Variants in CNTN6 observed in about 807,000 individuals in gnomAD.
The protein encoded by CNTN6 is contactin-6.
In CNTN6, 137 loss-of-function variants were observed where a neutral mutation model predicts 122.8. That is an observed-to-expected ratio of 1.12 (90% CI 0.97 to 1.29). CNTN6 has a LOEUF of 1.29. Among genes scored for constraint, CNTN6 ranks in the 50% most tolerant of loss-of-function variants. The pLI is 0.00. For missense variants in CNTN6, 1,634 were observed against 1,223.4 expected, an observed-to-expected ratio of 1.34 and a Z score of -5.01; for synonymous variants, 570 against 426.0, an observed-to-expected ratio of 1.34 and a Z score of -4.16.
chr3:1,402,359 G>A lies in CNTN6; in HGVS notation c.2859G>A (p.Leu953=), dbSNP rs781657249. ...ACAGACAGAGTAAAACTCATATTTT[G>A]GAAACAAACAATACATCAGCTGAGC... ...RQNRQSKTHI[L]ETNNTSAELL... The change falls in exon 22 of 23, where the codon TTG becomes TTA. Residue 953 remains leucine, a synonymous_variant. Coordinates refer to ENST00000446702, the MANE Select transcript of CNTN6 (RefSeq NM_001289080.2). 1.6e-5 allele frequency: 25 copies of A among 1,611,200 alleles called. No homozygotes were observed. Among genetic ancestry groups the A allele is most frequent in the Non-Finnish European group, 2.1e-5 (25 of 1,178,628 alleles).
intron 12 of CNTN6, among the ~76,000 whole-genome samples, chr3:1,354,359 C>T (rs1217391093): frequency 7.8e-6 from 1 of 128,460 alleles, no homozygotes; most frequent in Non-Finnish European, 1.7e-5. Context: ...ATCAAGATAG[C>T]TCAGTTAACA....
intron 4 of CNTN6, among the ~76,000 whole-genome samples, chr3:1,247,543 A>G (rs1373016322): frequency 6.6e-6 from 1 of 152,226 alleles, no homozygotes; most frequent in African/African-American, 2.4e-5. Context: ...ATGCCATGAG[A>G]TCCAATCCAT....
rs563486320 is a variant in CNTN6 at position 1,387,391 on chromosome 3, A to AACTT, written c.2704+1595_2704+1598dup. Among the ~76,000 whole-genome samples the AACTT allele has an allele frequency of 8.5e-5, 13 of 152,340 alleles. No individual in the cohort carries two copies. In the East Asian group the frequency reaches 2.3e-3, roughly 27 times the overall value. ...TAAATCAATGAAGTTGTTGCCAGAT[A>AACTT]ACTTGGATGTATGATTTGCTTCTTT... On this transcript the variant is annotated intron_variant, in intron 20 of 22. Transcript: ENST00000446702.
intron 4 of CNTN6, among the ~76,000 whole-genome samples, chr3:1,258,260 A>T (rs987777588): frequency 1.3e-5 from 2 of 152,124 alleles, no homozygotes; most frequent in African/African-American, 2.4e-5. Context: ...CTCTACTTTC[A>T]TTGTAGCAGT....
rs756488744 is a variant in CNTN6 at position 1,385,617 on chromosome 3, T to TACTGGA, written c.2525_2530dup (p.Trp843_Thr844insAsnTrp). ...TTTGGTTTTTAATTATCAGGTCTTA[T>TACTGGA]ACTGGACAGATGACTCCAAAGAATC... On this transcript the variant is annotated inframe_insertion, in exon 20 of 23. Transcript: ENST00000446702. The TACTGGA allele has an allele frequency of 1.2e-6, 2 of 1,612,752 alleles. No homozygotes were observed. The highest frequency in any genetic ancestry group is 1.7e-6 in the Non-Finnish European group (2 of 1,179,424).
chr3:1,399,685 C>T (rs1050008422), intron 20 of CNTN6, among the ~76,000 whole-genome samples: 5 of 152,014 alleles, frequency 3.3e-5, no homozygotes, highest in Non-Finnish European at 7.4e-5. Flanking sequence ...GAGAAGATCA[C>T]CACAGGGCCC....
chr3:1,358,716 A>G (rs1355574260), intron 12 of CNTN6, among the ~76,000 whole-genome samples: 6 of 152,010 alleles, frequency 3.9e-5, no homozygotes, highest in Non-Finnish European at 8.8e-5. Context: ...CGTTCAGAAG[A>G]AAATATCATT....
At chr3:1,102,920 A>G (rs908698487) in intron 1 of CNTN6, among the ~76,000 whole-genome samples, 4 of 150,764 alleles carry the variant, frequency 2.7e-5, no homozygotes, top group South Asian at 2.1e-4. Flanking sequence ...ATCCTGGCTA[A>G]CACGGTGAAA....
intron 4 of CNTN6, among the ~76,000 whole-genome samples, chr3:1,246,983 A>G (rs13316420): frequency 0.075 from 11,468 of 152,116 alleles, 509 homozygotes; most frequent in African/African-American, 0.12. Flanking sequence ...CACTCTCTTA[A>G]TCATGTCTTT....
At chr3:1,277,346 CTTTTTTTTTTTTTTT>C (rs10599744) in intron 4 of CNTN6, among the ~76,000 whole-genome samples, 1 of 80,192 alleles carries the variant, frequency 1.2e-5, no homozygotes, top group African/African-American at 4.5e-5. Flanking sequence ...AGTAGGTTTT[CTTTTTTTTTTTTTTT>C]TTTTTTTTTT....
chr3:1,093,364 G>T (rs1410587324), intron 1 of CNTN6, among the ~76,000 whole-genome samples: 1 of 152,112 alleles, frequency 6.6e-6, no homozygotes, highest in African/African-American at 2.4e-5. Context: ...TCAAACCAGG[G>T]AAAGAAAGAC....
At chr3:1,330,081 T>C (rs1702085189) in intron 11 of CNTN6, 146 bp downstream of exon 11, 1 of 519,136 alleles carries the variant, frequency 1.9e-6, no homozygotes, top group Non-Finnish European at 3.2e-6. Flanking sequence ...CTTCTCATCA[T>C]AGTAAAATTG....
At chr3:1,145,158 C>A (rs1038271510) in intron 1 of CNTN6, among the ~76,000 whole-genome samples, 1 of 152,040 alleles carries the variant, frequency 6.6e-6, no homozygotes, top group Non-Finnish European at 1.5e-5. Context: ...TGCAAACTTT[C>A]GTCAAGATAA....
chr3:1,172,644 GT>G (rs2093379163), intron 2 of CNTN6, among the ~76,000 whole-genome samples: 1 of 151,738 alleles, frequency 6.6e-6, no homozygotes, highest in African/African-American at 2.4e-5. Flanking sequence ...GTGTGTGTGT[GT>G]GTGTGTGTGT....
chr3:1,102,238 C>G (rs1037480518), intron 1 of CNTN6, among the ~76,000 whole-genome samples: 1 of 152,100 alleles, frequency 6.6e-6, no homozygotes, highest in East Asian at 1.9e-4. Context: ...GTAAGGAGCT[C>G]TATATGGAGA....
intron 4 of CNTN6, among the ~76,000 whole-genome samples, chr3:1,236,224 A>G (rs1277697184): frequency 6.6e-6 from 1 of 151,468 alleles, no homozygotes; most frequent in Non-Finnish European, 1.5e-5. Context: ...CATCCTCCGT[A>G]TAGGACCACA....
chr3:1,179,977 T>C (rs1452957710), intron 2 of CNTN6, among the ~76,000 whole-genome samples: 1 of 152,206 alleles, frequency 6.6e-6, no homozygotes, highest in Admixed American at 6.5e-5. Flanking sequence ...CACATATCTT[T>C]TTTTAGGTTT....
At chr3:1,192,787 AATAAG>A (rs1305480789) in intron 2 of CNTN6, among the ~76,000 whole-genome samples, 1 of 152,098 alleles carries the variant, frequency 6.6e-6, no homozygotes, top group Non-Finnish European at 1.5e-5. Context: ...TGAATATGAA[AATAAG>A]ATATTTCTCT....
intron 5 of CNTN6, among the ~76,000 whole-genome samples, chr3:1,285,627 A>G (rs750418166): frequency 2.0e-4 from 31 of 152,206 alleles, no homozygotes; most frequent in Non-Finnish European, 7.3e-5. Context: ...CAATTTTACA[A>G]ATTGAGTATT....
Sources: gnomAD v4.1 joint callset for allele counts (sites outside exome capture counted in the v4.1 genomes callset) on GRCh38, gnomAD v4.1.1 for gene constraint, MANE v1.5 for transcripts, NCBI Gene and HGNC (gene_info 2026-07-23, HGNC 2026-07-21) for gene names.